Variants in NTAQ1 observed in about 807,000 individuals in gnomAD.
The protein encoded by NTAQ1 is protein N-terminal glutamine amidohydrolase.
A neutral mutation model predicts 28.2 loss-of-function variants in NTAQ1; 21 were observed. The ratio of observed to expected loss-of-function variants is 0.74; its 90% CI spans 0.53 to 1.07. The LOEUF (loss-of-function observed/expected upper bound fraction) is 1.07, where lower values mean the gene tolerates loss of function less well. Ranked by LOEUF, NTAQ1 falls within the 50% of genes least tolerant of loss-of-function variation. The pLI, the probability that NTAQ1 is intolerant of heterozygous loss-of-function variation, is 0.00. For synonymous variants in NTAQ1, 105 were observed against 90.0 expected, an observed-to-expected ratio of 1.17 and a Z score of -0.94; for missense variants, 264 against 256.6, an observed-to-expected ratio of 1.03 and a Z score of -0.20.
At chr8:123,458,018 A>G (rs971169741) in intron 6 of NTAQ1, among the ~76,000 whole-genome samples, 15 of 145,928 alleles carry the variant, frequency 1.0e-4, no homozygotes, top group African/African-American at 3.8e-4. Flanking sequence ...TGGGCTACAG[A>G]GCAAGACTCT....
intron 6 of NTAQ1, among the ~76,000 whole-genome samples, chr8:123,464,244 A>G (rs1444276382): frequency 1.3e-5 from 2 of 152,172 alleles, no homozygotes; most frequent in African/African-American, 2.4e-5. Context: ...CCCTAAAGGG[A>G]CCAGTCAATG....
chr8:123,444,729 T>C (rs1324896316), downstream of NTAQ1, among the ~76,000 whole-genome samples: 1 of 152,178 alleles, frequency 6.6e-6, no homozygotes, highest in African/African-American at 2.4e-5. Flanking sequence ...CAGGATGGTC[T>C]CTATCTTCTG....
At chr8:123,451,804 C>T (rs7341643), downstream of NTAQ1, among the ~76,000 whole-genome samples, 46,154 of 152,144 alleles carry the variant, frequency 0.3, 7,481 homozygotes, top group South Asian at 0.45. Flanking sequence ...GGGTCTGGAA[C>T]ATCAAGTCCG....
intron 3 of NTAQ1, among the ~76,000 whole-genome samples, chr8:123,435,827 A>G (rs987954254): frequency 6.6e-6 from 1 of 151,184 alleles, no homozygotes; most frequent in African/African-American, 2.4e-5. Flanking sequence ...AGATTATGCC[A>G]CTGCACGCCA....
At chr8:123,470,804 T>G (rs1816033225), downstream of NTAQ1, among the ~76,000 whole-genome samples, 1 of 152,182 alleles carries the variant, frequency 6.6e-6, no homozygotes, top group African/African-American at 2.4e-5. Context: ...TCTTTTAGCT[T>G]CTGGTGTTTG....
rs781611247 is a variant in NTAQ1, at chr8:123,437,308, C to T, written c.482C>T (p.Pro161Leu). 1.2e-5 allele frequency: 19 copies of T among 1,613,942 alleles called. No homozygotes were observed. The highest frequency in any genetic ancestry group is 1.1e-4 in the East Asian group (5 of 44,894). ...AGTGGGAATTGGAGAGAGCCTCCGC[C>T]GCCATATCCCTGCATTGAGACTGGA... ...DSSGNWREPP[P>L]PYPCIETGDS... Residue 161 changes from proline (P) to leucine (L), a missense_variant, in exon 5 of 6, where the codon CCG becomes CTG. By Grantham distance (98) the Pro-to-Leu change is moderately conservative (BLOSUM62 -3). Transcript: ENST00000287387.
intron 6 of NTAQ1, among the ~76,000 whole-genome samples, chr8:123,454,233 C>T (rs1228917941): frequency 1.3e-5 from 2 of 152,176 alleles, no homozygotes; most frequent in East Asian, 1.9e-4. Flanking sequence ...TTGCTTGCTA[C>T]GTGAATCCAA....
intron 6 of NTAQ1, among the ~76,000 whole-genome samples, chr8:123,462,213 T>C (rs1563907954): frequency 6.6e-6 from 1 of 151,892 alleles, no homozygotes; most frequent in Non-Finnish European, 1.5e-5. Flanking sequence ...GCCTGGCTAA[T>C]TTTTTTGTAT....
intron 1 of NTAQ1, among the ~76,000 whole-genome samples, chr8:123,421,759 G>C (rs1365073991): frequency 1.3e-5 from 2 of 150,828 alleles, no homozygotes; most frequent in Non-Finnish European, 2.9e-5. Context: ...CGTGATCTTG[G>C]CTCACTGCAA....
At chr8:123,462,012 T>C (rs2130427021) in intron 6 of NTAQ1, among the ~76,000 whole-genome samples, 1 of 152,282 alleles carries the variant, frequency 6.6e-6, no homozygotes, top group South Asian at 2.1e-4. Flanking sequence ...TGAAAAAATA[T>C]TTTTCAGTGC....
At chr8:123,446,729 C>T (rs1815306011), downstream of NTAQ1, among the ~76,000 whole-genome samples, 1 of 152,224 alleles carries the variant, frequency 6.6e-6, no homozygotes, top group Admixed American at 6.5e-5. Flanking sequence ...ACAACATAAT[C>T]TGCTCAGCCC....
intron 3 of NTAQ1, among the ~76,000 whole-genome samples, chr8:123,433,976 G>A (rs1297285796): frequency 1.3e-5 from 2 of 148,592 alleles, no homozygotes; most frequent in Non-Finnish European, 3.0e-5. Context: ...TGTATTTTAT[G>A]TGTGGCCCAA....
downstream of NTAQ1, among the ~76,000 whole-genome samples, chr8:123,449,859 TTCTCTCTCTCTC>T (rs112959997): frequency 7.1e-4 from 79 of 111,164 alleles, no homozygotes; most frequent in Admixed American, 1.1e-3. Flanking sequence ...GCTCGCTGCT[TTCTCTCTCTCTC>T]TCTCTCTCTC....
At chr8:123,445,935 T>TG (rs1815262887), downstream of NTAQ1, among the ~76,000 whole-genome samples, 1 of 151,788 alleles carries the variant, frequency 6.6e-6, no homozygotes, top group Non-Finnish European at 1.5e-5. Flanking sequence ...CATAGGCTGC[T>TG]GGTTGTCCCA....
At chr8:123,429,841 C>A in intron 2 of NTAQ1, 142 bp from the exon 3 acceptor site, 2 of 488,968 alleles carry the variant, frequency 4.1e-6, no homozygotes, top group Non-Finnish European at 3.5e-6. Context: ...GATTGTGCCA[C>A]TGCACTCCAG....
intron 1 of NTAQ1, among the ~76,000 whole-genome samples, 196 bp from the exon 2 acceptor site, chr8:123,427,728 G>A (rs576718409): frequency 1.4e-4 from 22 of 152,300 alleles, no homozygotes; most frequent in African/African-American, 5.3e-4. Context: ...TGTGTGGAGA[G>A]GGGTTTACAC....
chr8:123,430,247 G>T (rs898737655), intron 3 of NTAQ1, among the ~76,000 whole-genome samples: 13 of 152,172 alleles, frequency 8.5e-5, no homozygotes, highest in African/African-American at 3.1e-4. Flanking sequence ...ATTATTATAG[G>T]AATGATTTTA....
chr8:123,416,966 C>T (rs1209317832), intron 1 of NTAQ1, 34 bp downstream of exon 1: 4 of 1,419,796 alleles, frequency 2.8e-6, no homozygotes, highest in Middle Eastern at 2.6e-4. Flanking sequence ...CTGGGTCTCC[C>T]AGGCTCCCGG....
At chr8:123,416,771 G>C (rs1813314822), upstream of NTAQ1, 1 of 1,361,102 alleles carries the variant, frequency 7.3e-7, no homozygotes, top group African/African-American at 1.5e-5. Flanking sequence ...ACCCACGCGG[G>C]CCACTACAAG....
Sources: allele counts gnomAD v4.1 joint callset (sites outside exome capture counted in the v4.1 genomes callset), GRCh38; gene constraint gnomAD v4.1.1; transcripts MANE v1.5; gene names NCBI Gene and HGNC (gene_info 2026-07-23, HGNC 2026-07-21).